SYMPK: variants seen among roughly 807,000 people sequenced by gnomAD.
The protein encoded by SYMPK is symplekin.
SYMPK carries 49 observed loss-of-function variants against 136.4 expected under a neutral mutation model. The observed-to-expected ratio is 0.36, with a 90% CI of 0.29 to 0.46. The LOEUF is 0.46. Among genes scored for constraint, SYMPK ranks in the 20% least tolerant of loss-of-function variants. SYMPK has a pLI of 1.00. For missense variants in SYMPK, 1,365 were observed against 1,690.0 expected, an observed-to-expected ratio of 0.81 and a Z score of 3.37; for synonymous variants, 766 against 713.0, an observed-to-expected ratio of 1.07 and a Z score of -1.19.
intron 1 of SYMPK, among the ~76,000 whole-genome samples, chr19:45,858,182 G>A (rs553915117): frequency 2.0e-5 from 3 of 152,156 alleles, no homozygotes; most frequent in East Asian, 1.9e-4. Flanking sequence ...AATGAATGAC[G>A]AGCCACAGCC....
intron 11 of SYMPK, among the ~76,000 whole-genome samples, chr19:45,833,702 G>A (rs1423398042): frequency 6.6e-6 from 1 of 152,236 alleles, no homozygotes; most frequent in African/African-American, 2.4e-5. Flanking sequence ...ATGCCCTGAG[G>A]CATCTCTGGA....
intron 10 of SYMPK, among the ~76,000 whole-genome samples, chr19:45,837,947 G>A (rs1971342501): frequency 6.6e-6 from 1 of 152,146 alleles, no homozygotes; most frequent in African/African-American, 2.4e-5. Context: ...CCAAAAGGAG[G>A]ATGATCAGAA....
At chr19:45,843,420 G>A (rs913856276) in intron 8 of SYMPK, among the ~76,000 whole-genome samples, 2 of 152,082 alleles carry the variant, frequency 1.3e-5, no homozygotes, top group Admixed American at 1.3e-4. Context: ...TCAACATTTC[G>A]CTAATCTTGG....
intron 1 of SYMPK, 140 bp from the exon 2 acceptor site, chr19:45,854,647 C>A: frequency 1.5e-6 from 1 of 664,982 alleles, no homozygotes; most frequent in Admixed American, 2.3e-5. Flanking sequence ...TCTCAAGTCC[C>A]TCTCCCCTCC....
Position 45,825,276 on chromosome 19 carries a change from C to T in SYMPK, c.2385G>A (p.Leu795=). The T allele has an allele frequency of 1.9e-6, 3 of 1,614,168 alleles. No individual in the cohort carries two copies. Among genetic ancestry groups the T allele is most frequent in the Non-Finnish European group, 2.5e-6 (3 of 1,180,024 alleles). The change falls in exon 18 of 27, where the codon CTG becomes CTA. Residue 795 remains leucine (L), a synonymous_variant. Transcript: ENST00000245934. ...GCTTGTGGTTCTGAGGCAGGAGGGC[C>T]AGGTAGAGGTACAGACACTGCTTCA... The part of the protein sequence containing the change: ...ETVKQCLYLY[L]ALLPQNHKLI...
chr19:45,831,418 T>C lies in SYMPK; in HGVS notation c.1564A>G (p.Arg522Gly). The C allele has an allele frequency of 6.3e-7, 1 of 1,596,894 alleles. No individual in the cohort carries two copies. Among genetic ancestry groups the C allele is most frequent in the Non-Finnish European group, 8.5e-7 (1 of 1,171,552 alleles). ...GTGACAGGGATAATGGGCTCTGGCC[T>C]CCTCTTGGCCTGCGGTGCCTCTTCC... ...LEEEAPQAKR[R>G]PEPIIPVTQP... is the part of the protein sequence containing the mutation. The change falls in exon 12 of 27, where the codon AGG (arginine) becomes GGG (glycine). Residue 522 changes from arginine (R) to glycine (G), a missense_variant. Coordinates refer to ENST00000245934, the MANE Select transcript of SYMPK (RefSeq NM_004819.3).
chr19:45,847,833 C>G lies in SYMPK; in HGVS notation c.595G>C (p.Ala199Pro). The change falls in exon 7 of 27, where the codon GCT becomes CCT. Residue 199 changes from alanine to proline, a missense_variant. Physicochemically the swap from Ala to Pro is conservative, Grantham distance 27. Transcript: ENST00000245934. ...GLIVTLSPRM[A>P]DSEIPRRQEH... ...TGGCGTCGGGGTATCTCTGAGTCAGCCATGCGGGGTGACAGGGTGACAATG... is the reference window on the plus strand; with the variant it reads ...TGGCGTCGGGGTATCTCTGAGTCAGGCATGCGGGGTGACAGGGTGACAATG... 1 of 1,614,030 alleles carries G rather than the reference C, an allele frequency of 6.2e-7. No homozygotes were observed.
At position 45,851,862 on chromosome 19, in the gene SYMPK, G is replaced by C. The variant is rs10413882; in HGVS notation, c.299+450C>G. On this transcript the variant is annotated intron_variant, in intron 5 of 26. Transcript: ENST00000245934. ...GCACTCAAGCCTGGACAACAGTTGA[G>C]CGAGACTCCGTCTCAAAACAAACAA... Among the ~76,000 whole-genome samples, 917 of 152,238 alleles carry C rather than the reference G, an allele frequency of 6.0e-3. 12 individuals are homozygous for C. Among genetic ancestry groups the C allele is most frequent in the African/African-American group, 0.021 (875 of 41,532 alleles).
intron 23 of SYMPK, among the ~76,000 whole-genome samples, chr19:45,817,417 CTTTT>C (rs559430104): frequency 3.0e-4 from 33 of 108,476 alleles, no homozygotes; most frequent in African/African-American, 7.1e-4. Flanking sequence ...TTTTTGTTCT[CTTTT>C]TTTTTTTTTT....
chr19:45,815,861 G>C lies in SYMPK; in HGVS notation c.3677C>G (p.Pro1226Arg). Residue 1226 changes from proline to arginine, a missense_variant, in exon 26 of 27, where the codon CCC becomes CGC. By Grantham distance (103) the Pro-to-Arg change is moderately radical. Coordinates refer to ENST00000245934, the MANE Select transcript of SYMPK (RefSeq NM_004819.3). ...AALLDSSLEG[P>R]LPKETAAGGL... The stretch of plus-strand genomic sequence containing the variant: ...GGCTGCTCTCCCTACCTTGGGTAGG[G>C]GGCCCTCGAGACTAGAGTCCAACAG... 1 of 1,611,780 alleles carries C rather than the reference G, an allele frequency of 6.2e-7. No individual in the cohort carries two copies. The highest frequency in any genetic ancestry group is 8.5e-7 in the Non-Finnish European group (1 of 1,179,666).
chr19:45,826,392 A>G lies in SYMPK; in HGVS notation c.2182-19T>C. ...AGCGCACCTGAGGAGGAAGATGGAG[A>G]AGGGCAGGGTCAGGGAAGAGGTAAG... is the stretch of plus-strand genomic sequence containing the variant. On this transcript the variant is annotated intron_variant, in intron 16 of 26. Transcript: ENST00000245934. 1 of 1,613,658 alleles carries G rather than the reference A, an allele frequency of 6.2e-7. No individual in the cohort carries two copies. The highest frequency in any genetic ancestry group is 8.5e-7 in the Non-Finnish European group (1 of 1,179,766).
chr19:45,854,703 T>C, intron 1 of SYMPK, 196 bp from the exon 2 acceptor site: 1 of 558,588 alleles, frequency 1.8e-6, no homozygotes, highest in Non-Finnish European at 3.2e-6. Flanking sequence ...GCCTGTAACT[T>C]GGGGGAGACT....
intron 12 of SYMPK, 63 bp from the exon 13 acceptor site, chr19:45,830,267 A>C: frequency 6.5e-7 from 1 of 1,533,576 alleles, no homozygotes; most frequent in Non-Finnish European, 8.9e-7. Context: ...CTGTCTGGTG[A>C]CTCTCCCAAC....
rs1299946917 is a variant in SYMPK at position 45,844,044 on chromosome 19, T to C, written c.833A>G (p.Tyr278Cys). The change falls in exon 8 of 27, where the codon TAT (tyrosine) becomes TGT (cysteine). Residue 278 changes from tyrosine (Y) to cysteine (C), a missense_variant. By Grantham distance (194) the Tyr-to-Cys change is radical. Coordinates refer to ENST00000245934, the MANE Select transcript of SYMPK (RefSeq NM_004819.3). ...CAATGACCTACCATGCAGAGTTTCA[T>C]AGGCCTGGATCACCTCAGACATGAA... is the stretch of plus-strand genomic sequence containing the variant. Reference protein sequence around the residue: ...PMFMSEVIQAYETLHANLPPT... With the variant: ...PMFMSEVIQACETLHANLPPT... The C allele has an allele frequency of 1.3e-6, 2 of 1,553,258 alleles. No homozygotes were observed. The highest frequency in any genetic ancestry group is 1.2e-5 in the South Asian group (1 of 84,972).
At chr19:45,840,213 G>A (rs958655154) in intron 9 of SYMPK, among the ~76,000 whole-genome samples, 1 of 151,148 alleles carries the variant, frequency 6.6e-6, no homozygotes, top group Non-Finnish European at 1.5e-5. Context: ...TACTCGGGAG[G>A]CTGAGGAGGG....
chr19:45,822,128 T>C (rs1240189415), intron 21 of SYMPK, among the ~76,000 whole-genome samples: 1 of 138,606 alleles, frequency 7.2e-6, no homozygotes, highest in African/African-American at 2.8e-5. Flanking sequence ...TTTTTTTTTT[T>C]TTTTTTTTGA....
In SYMPK at chr19:45,818,150, C is replaced by A. The variant is rs963342804; in HGVS notation, c.2894-4G>T. ...TCCGCAAAGCACAGGTTGGTGGCTGCGAGGAGGCGGAGAGTGGGCCTGTCC... is the reference window on the plus strand; with the variant it reads ...TCCGCAAAGCACAGGTTGGTGGCTGAGAGGAGGCGGAGAGTGGGCCTGTCC... On this transcript the variant is annotated splice_region_variant and splice_polypyrimidine_tract_variant and intron_variant, in intron 22 of 26. Transcript: ENST00000245934. 2 of 1,538,078 alleles carry A rather than the reference C, an allele frequency of 1.3e-6. No individual in the cohort carries two copies. The highest frequency in any genetic ancestry group is 1.8e-6 in the Non-Finnish European group (2 of 1,138,306).
At chr19:45,817,898 G>T in intron 23 of SYMPK, 61 bp downstream of exon 23, 1 of 1,471,510 alleles carries the variant, frequency 6.8e-7, no homozygotes. Context: ...GGAAGGGGAG[G>T]GCAAGCAGGC....
intron 26 of SYMPK, 64 bp downstream of exon 26, chr19:45,815,787 T>TC: frequency 6.3e-7 from 1 of 1,581,304 alleles, no homozygotes; most frequent in Non-Finnish European, 8.6e-7. Context: ...TGGCCCCTCC[T>TC]CCCCCACCTT....
Sources: gnomAD v4.1 joint callset for allele counts (sites outside exome capture counted in the v4.1 genomes callset) on GRCh38, gnomAD v4.1.1 for gene constraint, MANE v1.5 for transcripts, NCBI Gene and HGNC (gene_info 2026-07-23, HGNC 2026-07-21) for gene names.